TDRD9: variants seen among roughly 807,000 people sequenced by gnomAD.
TDRD9 encodes tudor domain containing 9.
In TDRD9, 124 loss-of-function variants were observed where a neutral mutation model predicts 172.6. The observed-to-expected ratio is 0.72, with a 90% CI of 0.62 to 0.83. The LOEUF is 0.83. Ranked by LOEUF, TDRD9 falls within the 40% of genes least tolerant of loss-of-function variation. The pLI is 0.00. For synonymous variants in TDRD9, 619 were observed against 617.1 expected, an observed-to-expected ratio of 1.00 and a Z score of -0.05; for missense variants, 1,479 against 1,714.1, an observed-to-expected ratio of 0.86 and a Z score of 2.42.
At chr14:103,968,752 C>T (rs1406743751) in intron 5 of TDRD9, among the ~76,000 whole-genome samples, 27 of 106,720 alleles carry the variant, frequency 2.5e-4, no homozygotes, top group East Asian at 8.4e-4. Flanking sequence ...GCTGAGATTG[C>T]GCCACTGCAC....
chr14:103,997,056 G>A lies in TDRD9; in HGVS notation c.1378+1249G>A, dbSNP rs1362173541. Among the ~76,000 whole-genome samples the A allele has an allele frequency of 2.6e-5, 4 of 152,218 alleles. No individual in the cohort carries two copies. Among genetic ancestry groups the A allele is most frequent in the African/African-American group, 7.2e-5 (3 of 41,452 alleles). On this transcript the variant is annotated intron_variant, in intron 12 of 35. Transcript: ENST00000409874. The surrounding 1 kb of genome is among the most constrained non-coding windows in gnomAD (Gnocchi z 5.1). ...GAGCCAGAAGAGAGGCCTGGGGGTA[G>A]CAGGGGCCATGCAGGGCCCATAGGA...
At chr14:104,023,184 C>CAAAAAAAAA (rs10661391) in intron 24 of TDRD9, among the ~76,000 whole-genome samples, 7 of 64,456 alleles carry the variant, frequency 1.1e-4, no homozygotes, top group East Asian at 1.2e-3. Flanking sequence ...GACTCCGTCT[C>CAAAAAAAAA]AAAAAAAAAA....
chr14:104,040,437 C>T (rs1379637989), intron 33 of TDRD9, 103 bp downstream of exon 33: 1 of 1,247,778 alleles, frequency 8.0e-7, no homozygotes, highest in East Asian at 2.9e-5. Context: ...GGTGCAGACA[C>T]ACACCTCTGG....
At position 104,026,140 on chromosome 14, in the gene TDRD9, A is replaced by C. The variant is rs750907994; in HGVS notation, c.3021+4A>C. On this transcript the variant is annotated splice_donor_region_variant and intron_variant, in intron 27 of 35. Transcript: ENST00000409874. Reference sequence around the variant, plus strand: ...ATTTCTTGAACTTCCTTTCCAGGTAAGGTAGAGAAGACTCTAGGGAATGAA... The same window carrying C: ...ATTTCTTGAACTTCCTTTCCAGGTACGGTAGAGAAGACTCTAGGGAATGAA... The C allele has an allele frequency of 6.3e-7, 1 of 1,577,492 alleles. No homozygotes were observed. The highest frequency in any genetic ancestry group is 1.3e-5 in the African/African-American group (1 of 74,220).
At chr14:103,987,663 G>C (rs1027825095) in intron 8 of TDRD9, among the ~76,000 whole-genome samples, 4 of 152,134 alleles carry the variant, frequency 2.6e-5, no homozygotes, top group African/African-American at 9.7e-5. Context: ...TTTGTTGCAT[G>C]CCTAGCATGT....
At chr14:103,952,880 C>G (rs192166623) in intron 1 of TDRD9, among the ~76,000 whole-genome samples, 15 of 151,782 alleles carry the variant, frequency 9.9e-5, no homozygotes, top group African/African-American at 3.4e-4. Context: ...GCTGGGATTA[C>G]AGGTGCTCGC....
intron 33 of TDRD9, among the ~76,000 whole-genome samples, chr14:104,041,810 G>T (rs913652323): frequency 6.6e-6 from 1 of 152,196 alleles, no homozygotes; most frequent in Admixed American, 6.5e-5. Context: ...TCTACCATAT[G>T]ACCCAGGAAT....
At chr14:103,995,554 T>C (rs2034027633) in intron 11 of TDRD9, among the ~76,000 whole-genome samples, 196 bp from the exon 12 acceptor site, 2 of 152,356 alleles carry the variant, frequency 1.3e-5, no homozygotes, top group Admixed American at 6.5e-5. Context: ...CTGTGTTGTA[T>C]GTGGCTGGTT....
At chr14:104,020,032 A>T (rs1206745511) in intron 23 of TDRD9, among the ~76,000 whole-genome samples, 1 of 152,058 alleles carries the variant, frequency 6.6e-6, no homozygotes, top group Non-Finnish European at 1.5e-5. Context: ...TTGACAGGGG[A>T]AAGCTGAGAC....
At chr14:104,041,962 A>G (rs995624299) in intron 33 of TDRD9, 107 bp from the exon 34 acceptor site, 13 of 777,478 alleles carry the variant, frequency 1.7e-5, no homozygotes, top group Non-Finnish European at 2.4e-5. Flanking sequence ...TGGATAAACC[A>G]TACTGATGAC....
chr14:103,969,824 C>T (rs113164277), intron 5 of TDRD9, among the ~76,000 whole-genome samples: 3,210 of 11,392 alleles, frequency 0.28, 78 homozygotes, highest in Admixed American at 0.39. Context: ...TGGGGTGGGG[C>T]GGGGTGGGGG....
At chr14:103,966,635 C>T (rs888783458) in intron 4 of TDRD9, 74 bp from the exon 5 acceptor site, 1 of 1,315,100 alleles carries the variant, frequency 7.6e-7, no homozygotes, top group Non-Finnish European at 1.0e-6. Context: ...CTTTCTTACC[C>T]CCATTATATT....
chr14:104,018,073 T>G lies in TDRD9; in HGVS notation c.2332-19T>G. The stretch of plus-strand genomic sequence containing the variant: ...GTTAGCTCTAGTAATCTGCTCTGAT[T>G]TTGTGTTATATTTTACAGTTGAAAC... On this transcript the variant is annotated intron_variant, in intron 22 of 35. Transcript: ENST00000409874. The G allele has an allele frequency of 2.1e-6, 3 of 1,442,066 alleles. No homozygotes were observed. Among genetic ancestry groups the G allele is most frequent in the Non-Finnish European group, 2.9e-6 (3 of 1,032,454 alleles). The allele number at this position is 1,442,066 out of a possible 1,614,324, so 89.3% of individuals were successfully genotyped here.
chr14:103,958,041 G>C (rs1566739650), intron 2 of TDRD9, among the ~76,000 whole-genome samples: 1 of 152,164 alleles, frequency 6.6e-6, no homozygotes, highest in Admixed American at 6.5e-5. Context: ...ATTTATCAAG[G>C]TGTGTTCCAG....
At position 104,042,090 on chromosome 14, in the gene TDRD9, A is replaced by G. The variant is rs1399564375; in HGVS notation, c.3877A>G (p.Ile1293Val). 4.3e-6 allele frequency: 7 copies of G among 1,612,004 alleles called. No homozygotes were observed. The highest frequency in any genetic ancestry group is 2.2e-5 in the East Asian group (1 of 44,826). ...ACAGGTTAATATTCTCAGGGCTGCT[A>G]TTAACAAGCTAGTCTGTGATGGACC... ...VVEVNILRAA[I>V]NKLVCDGPNG... is the part of the protein sequence containing the mutation. Residue 1293 changes from isoleucine to valine, a missense_variant, in exon 34 of 36, where the codon ATT (isoleucine) becomes GTT (valine). Transcript: ENST00000409874.
At chr14:103,971,101 A>G (rs2033004129) in intron 6 of TDRD9, among the ~76,000 whole-genome samples, 1 of 151,564 alleles carries the variant, frequency 6.6e-6, no homozygotes. Context: ...CTCCTGCCTC[A>G]GCCTCCCAAG....
rs2032813503 is a variant in TDRD9 at position 103,967,723 on chromosome 14, G to C, written c.765+892G>C. Among the ~76,000 whole-genome samples, 3 of 152,150 alleles carry C rather than the reference G, an allele frequency of 2.0e-5. No homozygotes were observed. In the South Asian group the frequency reaches 6.2e-4, roughly 31 times the overall value. On this transcript the variant is annotated intron_variant, in intron 5 of 35. Coordinates refer to ENST00000409874, the MANE Select transcript of TDRD9 (RefSeq NM_153046.3). The stretch of plus-strand genomic sequence containing the variant: ...GGGCATTTGGTGGGAGAGTAGGAGA[G>C]GGTGAAAATGATCTACTGTTTCTTA...
chr14:103,940,940 C>G, intron 1 of TDRD9: 3 of 1,535,424 alleles, frequency 2.0e-6, no homozygotes, highest in Non-Finnish European at 1.7e-6. Context: ...GAGCTGTCAC[C>G]TTGGATCACA....
intron 31 of TDRD9, 78 bp from the exon 32 acceptor site, chr14:104,034,882 T>C: frequency 9.1e-7 from 1 of 1,095,842 alleles, no homozygotes; most frequent in Non-Finnish European, 1.3e-6. Context: ...TGCAGATGAG[T>C]AGGAGCGGGC....
Sources: allele counts gnomAD v4.1 joint callset (sites outside exome capture counted in the v4.1 genomes callset), GRCh38; gene constraint gnomAD v4.1.1; non-coding constraint Gnocchi (gnomAD v3.1); transcripts MANE v1.5; gene names NCBI Gene and HGNC (gene_info 2026-07-23, HGNC 2026-07-21).